DHRS7C: variants seen among roughly 807,000 people sequenced by gnomAD.
DHRS7C encodes dehydrogenase/reductase 7C, also known as dehydrogenase/reductase SDR family member 7C.
In DHRS7C, 28 loss-of-function variants were observed where a neutral mutation model predicts 29.6. The ratio of observed to expected loss-of-function variants is 0.95; its 90% confidence interval spans 0.70 to 1.30. The LOEUF (loss-of-function observed/expected upper bound fraction) is 1.30, where lower values mean the gene tolerates loss of function less well. Among genes scored for constraint, DHRS7C ranks in the 50% most tolerant of loss-of-function variants. The pLI is 0.00. For missense variants in DHRS7C, 403 were observed against 393.3 expected (o/e 1.02, Z -0.21); for synonymous variants, 158 against 160.2 (o/e 0.99, Z 0.10).
At chr17:9,776,716 C>G (rs779347317) in intron 4 of DHRS7C, among the ~76,000 whole-genome samples, 1 of 152,150 alleles carries the variant, frequency 6.6e-6, no homozygotes, top group Non-Finnish European at 1.5e-5. Context: ...CTGCCCCCAC[C>G]CTGAATTCTG....
At chr17:9,777,364 G>C in intron 3 of DHRS7C, 79 bp from the exon 4 acceptor site, 1 of 1,200,898 alleles carries the variant, frequency 8.3e-7, no homozygotes, top group Non-Finnish European at 1.2e-6. Flanking sequence ...CCTGCCCCCG[G>C]TACCCTCATC....
intron 1 of DHRS7C, among the ~76,000 whole-genome samples, chr17:9,784,672 G>A (rs1365030235): frequency 1.3e-5 from 2 of 152,178 alleles, no homozygotes; most frequent in African/African-American, 4.8e-5. Context: ...AATTGGTTAA[G>A]GAGATGAGTA....
intron 5 of DHRS7C, 33 bp downstream of exon 5, chr17:9,772,734 C>T (rs1308248627): frequency 1.2e-6 from 2 of 1,611,182 alleles, no homozygotes; most frequent in Admixed American, 3.3e-5. Flanking sequence ...TCCCGAGGCC[C>T]CCAGGGGCCC....
intron 1 of DHRS7C, chr17:9,785,079 A>G (rs1435882762): frequency 6.6e-6 from 1 of 152,260 alleles, no homozygotes; most frequent in Admixed American, 6.5e-5. Flanking sequence ...AGATATAAAG[A>G]TATAAATTCC....
intron 4 of DHRS7C, 33 bp downstream of exon 4, chr17:9,777,160 A>G (rs776465239): frequency 2.6e-6 from 4 of 1,565,990 alleles, no homozygotes; most frequent in Non-Finnish European, 2.6e-6. Context: ...GACATACAAC[A>G]GAAGATATCA....
At chr17:9,786,788 G>T (rs569134779) in intron 1 of DHRS7C, among the ~76,000 whole-genome samples, 2 of 152,238 alleles carry the variant, frequency 1.3e-5, no homozygotes, top group East Asian at 1.9e-4. Context: ...CAGTTGGCCA[G>T]CAGGGAAGCC....
chr17:9,791,585 G>A lies in DHRS7C; in HGVS notation c.-301C>T, dbSNP rs1046258392. On this transcript the variant is annotated 5_prime_UTR_variant, in exon 1 of 6. Transcript: ENST00000571134. ...CCATGTGTTAAGGCCACTTGCTTGG[G>A]CCCTAATGGTTATTTATAGCTTTCA... is the stretch of plus-strand genomic sequence containing the variant. 2.6e-5 allele frequency among the ~76,000 whole-genome samples: 4 copies of A among 152,216 alleles called. No individual in the cohort carries two copies. Among genetic ancestry groups the A allele is most frequent in the African/African-American group, 9.6e-5 (4 of 41,474 alleles).
At chr17:9,783,140 T>A (rs1390681457) in intron 1 of DHRS7C, among the ~76,000 whole-genome samples, 1 of 152,058 alleles carries the variant, frequency 6.6e-6, no homozygotes, top group Non-Finnish European at 1.5e-5. Context: ...GAGGTCTCCA[T>A]GAGGCCTTAA....
At chr17:9,785,010 C>T (rs2066415859) in intron 1 of DHRS7C, among the ~76,000 whole-genome samples, 1 of 152,184 alleles carries the variant, frequency 6.6e-6, no homozygotes, top group Non-Finnish European at 1.5e-5. Context: ...AGTAAATCTA[C>T]ATATCTATAT....
Position 9,772,805 on chromosome 17 carries a change from T to A in DHRS7C, c.689A>T (p.Tyr230Phe). The change falls in exon 5 of 6, where the codon TAT (tyrosine) becomes TTT (phenylalanine). Residue 230 changes from tyrosine to phenylalanine, a missense_variant. Physicochemically the swap from Tyr to Phe is conservative, Grantham distance 22. Coordinates refer to ENST00000571134, the MANE Select transcript of DHRS7C (RefSeq NM_001105571.3). ...AGCTTCCCAGTTTCCTTGCTCTGGA[T>A]ACACGTGGTACGACCGGATGAAAGT... ...SPTFIRSYHVYPEQGNWEASI... is the reference protein window; with the variant it reads ...SPTFIRSYHVFPEQGNWEASI... The A allele has an allele frequency of 1.9e-6, 3 of 1,614,008 alleles. No homozygotes were observed. Among genetic ancestry groups the A allele is most frequent in the Non-Finnish European group, 2.5e-6 (3 of 1,179,888 alleles).
rs1220216831 is a variant in DHRS7C at position 9,777,240 on chromosome 17, A to G, written c.524T>C (p.Leu175Ser). The change falls in exon 4 of 6, where the codon TTA becomes TCA. Residue 175 changes from leucine to serine, a missense_variant. Leu to Ser is a moderately radical substitution (Grantham distance 145). Coordinates refer to ENST00000571134, the MANE Select transcript of DHRS7C (RefSeq NM_001105571.3). ...AAACTTCCCTTGGATATTATTCACT[A>G]ACACGATTTGGCCTGTTCTCCGGGA... ...MISRRTGQIVLVNNIQGKFGI... is the reference protein window; with the variant it reads ...MISRRTGQIVSVNNIQGKFGI... 1.2e-6 allele frequency: 2 copies of G among 1,613,856 alleles called. No individual in the cohort carries two copies. Among genetic ancestry groups the G allele is most frequent in the South Asian group, 2.2e-5 (2 of 91,044 alleles).
chr17:9,786,366 A>ATAATAT (rs879576938), intron 1 of DHRS7C, among the ~76,000 whole-genome samples: 14 of 118,822 alleles, frequency 1.2e-4, no homozygotes, highest in Non-Finnish European at 1.9e-4. Flanking sequence ...AATAATAATA[A>ATAATAT]TTAATCAGAA....
At chr17:9,787,267 G>A (rs779342108) in intron 1 of DHRS7C, among the ~76,000 whole-genome samples, 9 of 152,192 alleles carry the variant, frequency 5.9e-5, no homozygotes, top group Non-Finnish European at 1.2e-4. Flanking sequence ...TTGCAGCAGG[G>A]CACTGGAGCA....
intron 3 of DHRS7C, among the ~76,000 whole-genome samples, chr17:9,777,682 C>A (rs372934488): frequency 1.1e-4 from 17 of 152,164 alleles, no homozygotes; most frequent in African/African-American, 3.9e-4. Flanking sequence ...AGAACAGACG[C>A]TCATCTCGGT....
In DHRS7C at chr17:9,789,688, A is replaced by C. The variant is rs111926627; in HGVS notation, c.154+1443T>G. On this transcript the variant is annotated intron_variant, in intron 1 of 5. Transcript: ENST00000571134. ...GGGTAGAGGCCGTATCAGGGATCGC[A>C]TGTTAGCAGCCTGGTGCAATGCCAG... Among the ~76,000 whole-genome samples, 1,010 of 152,318 alleles carry C rather than the reference A, an allele frequency of 6.6e-3. 6 individuals are homozygous for C. Among genetic ancestry groups the C allele is most frequent in the Non-Finnish European group, 0.01 (708 of 68,022 alleles).
At chr17:9,781,428 A>T (rs978235918) in intron 2 of DHRS7C, 54 bp downstream of exon 2, 1 of 1,547,368 alleles carries the variant, frequency 6.5e-7, no homozygotes, top group Non-Finnish European at 8.9e-7. Context: ...TGAACAATCA[A>T]TGGAGGCTGG....
Position 9,772,849 on chromosome 17 carries a change from GACA to G in DHRS7C, c.642_644del (p.Val215del). 2 of 1,613,974 alleles carry G rather than the reference GACA, an allele frequency of 1.2e-6. No individual in the cohort carries two copies. The highest frequency in any genetic ancestry group is 1.7e-6 in the Non-Finnish European group (2 of 1,179,888). On this transcript the variant is annotated inframe_deletion, in exon 5 of 6. Coordinates refer to ENST00000571134, the MANE Select transcript of DHRS7C (RefSeq NM_001105571.3). ...TGAAAGTCGGGCTCACGGTGCTGAT[GACA>G]ACATCGTATTCCTCCACTTCGGCTC...
intron 1 of DHRS7C, among the ~76,000 whole-genome samples, chr17:9,784,603 T>A (rs1373344730): frequency 6.6e-6 from 1 of 152,232 alleles, no homozygotes; most frequent in Non-Finnish European, 1.5e-5. Context: ...AAGGGTTAAT[T>A]TGATATGTGA....
At chr17:9,789,430 C>T (rs1188343433) in intron 1 of DHRS7C, among the ~76,000 whole-genome samples, 2 of 152,206 alleles carry the variant, frequency 1.3e-5, no homozygotes, top group East Asian at 3.8e-4. Flanking sequence ...ATTAAATACA[C>T]ATTTTCTGAG....
Sources: allele counts gnomAD v4.1 joint callset (sites outside exome capture counted in the v4.1 genomes callset), GRCh38; gene constraint gnomAD v4.1.1; transcripts MANE v1.5; gene names NCBI Gene and HGNC (gene_info 2026-07-23, HGNC 2026-07-21).